The following SORBS2 variants were observed in gnomAD, a reference collection of about 807,000 sequenced individuals.
SORBS2 encodes the protein sorbin and SH3 domain containing 2, also known as sorbin and SH3 domain-containing protein 2.
SORBS2 carries 46 observed loss-of-function variants against 97.7 expected under a neutral mutation model. That is an observed-to-expected ratio of 0.47 (90% CI 0.37 to 0.60). The LOEUF is 0.60. SORBS2 is among the 20% of genes least tolerant of loss of function. SORBS2 has a pLI of 0.00. For missense variants in SORBS2, 1,316 were observed against 1,282.3 expected (o/e 1.03, Z -0.40); for synonymous variants, 476 against 473.4 (o/e 1.01, Z -0.07).
At chr4:185,927,354 C>T (rs939373312) in intron 1 of SORBS2, among the ~76,000 whole-genome samples, 4 of 151,770 alleles carry the variant, frequency 2.6e-5, no homozygotes, top group Non-Finnish European at 2.9e-5. Flanking sequence ...CATGCCATGG[C>T]GGTTTGCTGC....
At chr4:185,666,818 G>A (rs2097610801) in intron 4 of SORBS2, among the ~76,000 whole-genome samples, 1 of 152,212 alleles carries the variant, frequency 6.6e-6, no homozygotes, top group Admixed American at 6.5e-5. Context: ...GGTACCATGT[G>A]TGAAAATGAA....
intron 2 of SORBS2, chr4:185,772,016 A>G (rs1584545121): frequency 6.6e-6 from 1 of 152,206 alleles, no homozygotes. Context: ...GAGAAAAATA[A>G]TACAAAAAAA....
intron 1 of SORBS2, among the ~76,000 whole-genome samples, chr4:185,900,162 G>A (rs2099246962): frequency 6.6e-6 from 1 of 152,156 alleles, no homozygotes; most frequent in Admixed American, 6.5e-5. Context: ...GAAAGGAGAA[G>A]ATAGCTAAAA....
At chr4:185,849,934 C>A (rs1038287162) in intron 1 of SORBS2, among the ~76,000 whole-genome samples, 1 of 152,196 alleles carries the variant, frequency 6.6e-6, no homozygotes, top group Admixed American at 6.6e-5. Context: ...ACAACTGGGG[C>A]AGAGGAGACA....
chr4:185,787,663 T>C (rs1476765115), intron 1 of SORBS2, among the ~76,000 whole-genome samples: 2 of 152,184 alleles, frequency 1.3e-5, no homozygotes, highest in East Asian at 3.9e-4. Context: ...TCCTCCCATC[T>C]GTCTCCACCC....
intron 13 of SORBS2, among the ~76,000 whole-genome samples, chr4:185,590,623 C>G (rs1230748023): frequency 1.3e-5 from 2 of 152,134 alleles, no homozygotes; most frequent in East Asian, 3.8e-4. Flanking sequence ...AATGCTATCA[C>G]TTTCCTTTCC....
rs2096432094 is a variant in SORBS2 at position 185,606,767 on chromosome 4, G to A, written c.2796+5013C>T. ...CAGGCGTCTCCTTCCTGAGGTTCTG[G>A]CGGCCCTCTCTGGATGCCTGACACA... On this transcript the variant is annotated intron_variant, in intron 12 of 14. Transcript: ENST00000418609. This position sits in a 1 kb window ranked among gnomAD's most constrained non-coding sequence, Gnocchi z 4.3. 1 of 985,304 alleles carries A rather than the reference G, an allele frequency of 1.0e-6. No individual in the cohort carries two copies. Among genetic ancestry groups the A allele is most frequent in the Non-Finnish European group, 1.2e-6 (1 of 829,918 alleles). The allele number at this position is 985,304 out of a possible 1,614,324, so 61.0% of individuals were successfully genotyped here.
At chr4:185,638,143 T>C in intron 4 of SORBS2, 1 of 1,609,530 alleles carries the variant, frequency 6.2e-7, no homozygotes, top group Non-Finnish European at 8.5e-7. Flanking sequence ...ATCTATGTCA[T>C]CTGGATTTAT....
At chr4:185,860,817 C>T (rs1292826237) in intron 1 of SORBS2, among the ~76,000 whole-genome samples, 4 of 152,110 alleles carry the variant, frequency 2.6e-5, no homozygotes, top group Non-Finnish European at 5.9e-5. Flanking sequence ...AACACCTGGA[C>T]TCAATAGAAA....
At chr4:185,870,263 G>A (rs1157045675) in intron 1 of SORBS2, among the ~76,000 whole-genome samples, 6 of 152,138 alleles carry the variant, frequency 3.9e-5, no homozygotes, top group African/African-American at 1.4e-4. Flanking sequence ...CCCTGCGTAG[G>A]GGAATTGCAG....
intron 4 of SORBS2, among the ~76,000 whole-genome samples, chr4:185,676,013 T>A (rs1043562804): frequency 2.0e-5 from 3 of 152,216 alleles, no homozygotes; most frequent in Non-Finnish European, 4.4e-5. Flanking sequence ...GGATGATCTT[T>A]ATTAACACAG....
chr4:185,587,723 C>A, intron 14 of SORBS2, 35 bp from the exon 27 acceptor site: 1 of 1,517,874 alleles, frequency 6.6e-7, no homozygotes, highest in Non-Finnish European at 9.1e-7. Context: ...AGGGGGGTGA[C>A]AACGATATCA....
intron 2 of SORBS2, among the ~76,000 whole-genome samples, chr4:185,767,417 G>A (rs1230281928): frequency 9.9e-5 from 14 of 141,258 alleles, no homozygotes; most frequent in Admixed American, 9.1e-4. Context: ...GGGGAATGGC[G>A]TGAACCCGGG....
chr4:185,806,574 C>A (rs1422392551), intron 1 of SORBS2, among the ~76,000 whole-genome samples: 1 of 149,860 alleles, frequency 6.7e-6, no homozygotes, highest in East Asian at 2.0e-4. Flanking sequence ...TCTCCTGCCT[C>A]AGCCTCCCGA....
chr4:185,705,878 T>C (rs1359987545), intron 2 of SORBS2, among the ~76,000 whole-genome samples: 5 of 152,188 alleles, frequency 3.3e-5, no homozygotes. Flanking sequence ...ATTGGACATC[T>C]TGAATGTAAT....
exon 12 of SORBS2, chr4:185,611,876 G>A (rs927806572): frequency 4.3e-6 from 7 of 1,613,906 alleles, no homozygotes; most frequent in Non-Finnish European, 5.1e-6. Context: ...TCTTCTTGAC[G>A]ACCTCCACAT....
intron 4 of SORBS2, among the ~76,000 whole-genome samples, chr4:185,673,585 C>A (rs924174231): frequency 6.6e-6 from 1 of 152,158 alleles, no homozygotes; most frequent in African/African-American, 2.4e-5. Context: ...AAGCAGGCAC[C>A]ATGCCAAGAT....
chr4:185,756,838 C>T (rs759980922), intron 2 of SORBS2, among the ~76,000 whole-genome samples: 4 of 151,448 alleles, frequency 2.6e-5, no homozygotes, highest in Non-Finnish European at 4.4e-5. Flanking sequence ...AAACAACCCT[C>T]TACGTCTAAT....
At chr4:185,791,405 G>C (rs1055432859) in intron 1 of SORBS2, among the ~76,000 whole-genome samples, 8 of 152,118 alleles carry the variant, frequency 5.3e-5, no homozygotes, top group African/African-American at 1.2e-4. Context: ...GGAGGGCCAT[G>C]ACTTCTGTTT....
Sources: gnomAD v4.1 joint callset for allele counts (sites outside exome capture counted in the v4.1 genomes callset) on GRCh38, gnomAD v4.1.1 for gene constraint, Gnocchi (gnomAD v3.1) non-coding constraint, MANE v1.5 for transcripts, NCBI Gene and HGNC (gene_info 2026-07-23, HGNC 2026-07-21) for gene names.